TRPM3: variants seen among roughly 807,000 people sequenced by gnomAD.
TRPM3 encodes long transient receptor potential channel 3.
Under a neutral mutation model 181.2 loss-of-function variants are expected in TRPM3, and 77 were observed. The ratio of observed to expected loss-of-function variants is 0.42; its 90% CI spans 0.35 to 0.51. The LOEUF is 0.51. TRPM3 is among the 20% of genes least tolerant of loss of function. TRPM3 has a pLI of 0.01. For synonymous variants in TRPM3, 745 were observed against 796.4 expected (o/e 0.94, Z 1.09); for missense variants, 1,759 against 2,196.7 (o/e 0.80, Z 3.98).
At chr9:70,670,901 G>C (rs1006878817) in intron 9 of TRPM3, among the ~76,000 whole-genome samples, 2 of 152,114 alleles carry the variant, frequency 1.3e-5, no homozygotes, top group African/African-American at 4.8e-5. Context: ...GCACACAGAG[G>C]TTAGATAACT....
intron 4 of TRPM3, among the ~76,000 whole-genome samples, chr9:70,844,176 C>T (rs1793336346): frequency 1.3e-5 from 2 of 152,140 alleles, no homozygotes; most frequent in South Asian, 2.1e-4. Flanking sequence ...AGGAAGGGCT[C>T]AGACACTGTG....
intron 1 of TRPM3, among the ~76,000 whole-genome samples, chr9:71,199,454 G>C (rs897746310): frequency 6.6e-6 from 1 of 152,122 alleles, no homozygotes; most frequent in Non-Finnish European, 1.5e-5. Flanking sequence ...AATGGTACCA[G>C]TTCCTCCTTG....
chr9:70,565,984 C>T (rs1042277570), intron 22 of TRPM3, among the ~76,000 whole-genome samples: 4 of 152,112 alleles, frequency 2.6e-5, no homozygotes, highest in African/African-American at 7.2e-5. Flanking sequence ...ATTTATGGAG[C>T]CCCTATTGTG....
At chr9:70,990,700 T>C (rs2097473503) in intron 1 of TRPM3, among the ~76,000 whole-genome samples, 2 of 152,118 alleles carry the variant, frequency 1.3e-5, no homozygotes, top group African/African-American at 4.8e-5. Flanking sequence ...GGACTGCACA[T>C]ACATGTGGTT....
intron 5 of TRPM3, among the ~76,000 whole-genome samples, chr9:70,836,695 C>T (rs2094344854): frequency 6.6e-6 from 1 of 152,136 alleles, no homozygotes; most frequent in African/African-American, 2.4e-5. Flanking sequence ...GTCCTCTGCT[C>T]ATCCATTAAA....
chr9:71,200,273 G>T (rs554112858), intron 1 of TRPM3, among the ~76,000 whole-genome samples: 2 of 151,798 alleles, frequency 1.3e-5, no homozygotes, highest in African/African-American at 4.8e-5. Context: ...TACACTTGCT[G>T]AGGAGAGCTT....
chr9:71,434,754 T>A (rs1047374962), intron 1 of TRPM3, among the ~76,000 whole-genome samples: 1 of 152,220 alleles, frequency 6.6e-6, no homozygotes, highest in Non-Finnish European at 1.5e-5. Flanking sequence ...CCTTATTTGA[T>A]GTTAACATTT....
At chr9:71,029,949 G>C (rs976225305) in intron 1 of TRPM3, among the ~76,000 whole-genome samples, 1 of 152,156 alleles carries the variant, frequency 6.6e-6, no homozygotes, top group Non-Finnish European at 1.5e-5. Context: ...GCCAAAAGGA[G>C]CTACTCAAGG....
intron 22 of TRPM3, among the ~76,000 whole-genome samples, chr9:70,558,878 A>C (rs1372000102): frequency 6.6e-6 from 1 of 152,220 alleles, no homozygotes; most frequent in East Asian, 1.9e-4. Context: ...ACATTGACAC[A>C]TCACATGGCA....
At chr9:71,217,218 G>A (rs983395826) in intron 1 of TRPM3, among the ~76,000 whole-genome samples, 2 of 151,560 alleles carry the variant, frequency 1.3e-5, no homozygotes, top group African/African-American at 4.9e-5. Flanking sequence ...CCAAAGTGCT[G>A]GGATTACAGG....
intron 1 of TRPM3, among the ~76,000 whole-genome samples, chr9:71,094,435 C>A (rs1266188936): frequency 1.3e-5 from 2 of 152,072 alleles, no homozygotes; most frequent in Non-Finnish European, 2.9e-5. Flanking sequence ...GTCTTCTAGT[C>A]CTGCATATCC....
In TRPM3 at chr9:70,995,098, C is replaced by CTGTG. The variant is rs200104541; in HGVS notation, c.177+126076_177+126079dup. 2.4e-4 allele frequency among the ~76,000 whole-genome samples: 36 copies of CTGTG among 151,132 alleles called. 1 individual carries two copies. The East Asian group carries it at 5.5e-3, about 23-fold the overall frequency. On this transcript the variant is annotated intron_variant, in intron 1 of 25. Coordinates refer to ENST00000677713, the MANE Select transcript of TRPM3 (RefSeq NM_001366145.2). ...CCGTGTCTTCTCTCTCTGGGTGTGT[C>CTGTG]TGTGTGTGTGTGTGTGCATGTAATC...
chr9:70,768,267 A>G (rs1391028982), intron 7 of TRPM3, among the ~76,000 whole-genome samples: 1 of 152,200 alleles, frequency 6.6e-6, no homozygotes, highest in Non-Finnish European at 1.5e-5. Flanking sequence ...AGAACCTACA[A>G]ATAGTTTCTC....
chr9:71,435,469 C>G (rs567374723), intron 1 of TRPM3, among the ~76,000 whole-genome samples: 17 of 152,260 alleles, frequency 1.1e-4, no homozygotes, highest in African/African-American at 4.1e-4. Context: ...TAGGCAATTT[C>G]CTCTTCTACT....
chr9:70,988,439 G>A lies in TRPM3; in HGVS notation c.178-123928C>T, dbSNP rs17591831. ...ATTGTGAAGTTTCTAACAGCAATTC[G>A]TCTAGAATAGAAACCTAAGACAGTT... On this transcript the variant is annotated intron_variant, in intron 1 of 25. Transcript: ENST00000677713. Among the ~76,000 whole-genome samples the A allele has an allele frequency of 3.9e-3, 592 of 152,230 alleles. 4 individuals are homozygous for A. The highest frequency in any genetic ancestry group is 6.5e-3 in the Admixed American group (100 of 15,284).
At chr9:70,764,868 C>T (rs1462475833) in intron 7 of TRPM3, among the ~76,000 whole-genome samples, 1 of 152,154 alleles carries the variant, frequency 6.6e-6, no homozygotes, top group Non-Finnish European at 1.5e-5. Flanking sequence ...TTTAACAGCT[C>T]CCCAACACTT....
intron 6 of TRPM3, chr9:70,825,815 T>TG (rs1321814225): frequency 6.6e-6 from 1 of 152,252 alleles, no homozygotes; most frequent in Admixed American, 6.5e-5. Flanking sequence ...GTACTCCCTC[T>TG]GGGATGATCA....
intron 7 of TRPM3, among the ~76,000 whole-genome samples, chr9:70,766,354 T>C (rs2079116436): frequency 6.6e-6 from 1 of 152,158 alleles, no homozygotes; most frequent in South Asian, 2.1e-4. Context: ...TGTTCCTAGA[T>C]TTAAAAATTA....
chr9:70,794,779 T>A (rs776369162), intron 6 of TRPM3, among the ~76,000 whole-genome samples: 3 of 152,196 alleles, frequency 2.0e-5, no homozygotes, highest in Non-Finnish European at 4.4e-5. Context: ...CCCCACAGCC[T>A]TGCTGGACTT....
Sources: gnomAD v4.1 joint callset for allele counts (sites outside exome capture counted in the v4.1 genomes callset) on GRCh38, gnomAD v4.1.1 for gene constraint, MANE v1.5 for transcripts, NCBI Gene and HGNC (gene_info 2026-07-23, HGNC 2026-07-21) for gene names.